The following MCTP1 variants were observed in gnomAD, a reference collection of about 807,000 sequenced individuals.
The protein encoded by MCTP1 is multiple C2 and transmembrane domain containing 1.
Under a neutral mutation model 120.6 loss-of-function variants are expected in MCTP1, and 69 were observed. The ratio of observed to expected loss-of-function variants is 0.57; its 90% CI spans 0.47 to 0.70. The LOEUF is 0.70. Ranked by LOEUF, MCTP1 falls within the 30% of genes least tolerant of loss-of-function variation. MCTP1 has a pLI of 0.00. For synonymous variants in MCTP1, 529 were observed against 493.1 expected, an observed-to-expected ratio of 1.07 and a Z score of -0.96; for missense variants, 1,203 against 1,248.8, an observed-to-expected ratio of 0.96 and a Z score of 0.55.
intron 17 of MCTP1, among the ~76,000 whole-genome samples, chr5:94,846,607 G>A (rs1253306938): frequency 6.6e-6 from 1 of 152,110 alleles, no homozygotes; most frequent in Non-Finnish European, 1.5e-5. Context: ...CCTGTGACAT[G>A]CAGTTTACCT....
chr5:95,232,648 T>C (rs1053316540), intron 1 of MCTP1, among the ~76,000 whole-genome samples: 21 of 151,898 alleles, frequency 1.4e-4, no homozygotes, highest in Non-Finnish European at 2.9e-4. Context: ...TTAGTAGAGA[T>C]GGGGTTTCAC....
intron 17 of MCTP1, among the ~76,000 whole-genome samples, chr5:94,827,888 G>A (rs1787564791): frequency 6.6e-6 from 1 of 151,714 alleles, no homozygotes; most frequent in Non-Finnish European, 1.5e-5. Flanking sequence ...AAGGTTCTTA[G>A]CCTCCTTGCA....
At chr5:94,839,702 T>C (rs1233181379) in intron 17 of MCTP1, among the ~76,000 whole-genome samples, 1 of 152,148 alleles carries the variant, frequency 6.6e-6, no homozygotes, top group Non-Finnish European at 1.5e-5. Flanking sequence ...TGGGAAGCAC[T>C]GCAAAGCAAA....
chr5:94,846,545 A>G (rs147530586), intron 17 of MCTP1, among the ~76,000 whole-genome samples: 344 of 152,280 alleles, frequency 2.3e-3, no homozygotes, highest in African/African-American at 8.0e-3. Flanking sequence ...AAAAATACCT[A>G]TCAGGTGCTA....
chr5:94,709,752 A>T (rs953531485), intron 21 of MCTP1: 27 of 151,702 alleles, frequency 1.8e-4, no homozygotes, highest in Middle Eastern at 3.2e-3. Context: ...AAAGGAAAAA[A>T]TAATTACCAT....
chr5:94,817,069 C>G (rs1056829878), intron 17 of MCTP1, among the ~76,000 whole-genome samples: 1 of 152,102 alleles, frequency 6.6e-6, no homozygotes, highest in Non-Finnish European at 1.5e-5. Context: ...AATCTCTTAT[C>G]ATCTCAAACC....
chr5:95,254,746 T>C (rs966118668), intron 1 of MCTP1, among the ~76,000 whole-genome samples: 1 of 152,220 alleles, frequency 6.6e-6, no homozygotes, highest in African/African-American at 2.4e-5. Context: ...ATAGATATAC[T>C]AGAGGCAGAA....
intron 1 of MCTP1, among the ~76,000 whole-genome samples, chr5:95,173,881 T>A: frequency 8.1e-6 from 1 of 122,938 alleles, no homozygotes; most frequent in Non-Finnish European, 1.8e-5. Flanking sequence ...AAGAAACAAA[T>A]CAGAGAACAA....
chr5:94,950,267 G>A lies in MCTP1; in HGVS notation c.981+2952C>T, dbSNP rs78926736. 3.9e-3 allele frequency among the ~76,000 whole-genome samples: 586 copies of A among 152,194 alleles called. 7 individuals carry two copies. Among genetic ancestry groups the A allele is most frequent in the African/African-American group, 0.014 (568 of 41,538 alleles). ...ATATAGAAATGTAAAAAGTGACAAT[G>A]TAAAAATGTAAGTAAAGTATAAAAA... On this transcript the variant is annotated intron_variant, in intron 3 of 22. Transcript: ENST00000515393.
At chr5:94,954,170 A>T (rs1362386703) in intron 2 of MCTP1, among the ~76,000 whole-genome samples, 1 of 90,346 alleles carries the variant, frequency 1.1e-5, no homozygotes, top group Admixed American at 1.2e-4. Flanking sequence ...ATATATATAC[A>T]TATATATATA....
chr5:95,260,818 C>T (rs1383618473), intron 1 of MCTP1, among the ~76,000 whole-genome samples: 2 of 152,114 alleles, frequency 1.3e-5, no homozygotes, highest in Non-Finnish European at 2.9e-5. Context: ...GGTAATAACC[C>T]AGAGGGTTTA....
chr5:94,771,562 T>C (rs1206097599), intron 19 of MCTP1, among the ~76,000 whole-genome samples: 1 of 152,212 alleles, frequency 6.6e-6, no homozygotes, highest in Non-Finnish European at 1.5e-5. Flanking sequence ...AACAAGCTTT[T>C]CCAAAATCAA....
chr5:94,868,378 A>T lies in MCTP1; in HGVS notation c.2391T>A (p.Ser797Arg). Residue 797 changes from serine (S) to arginine (R), a missense_variant, in exon 17 of 23, where the codon AGT becomes AGA. Coordinates refer to ENST00000515393, the MANE Select transcript of MCTP1 (RefSeq NM_024717.7). ...TTGGGGGTGAATCCCAATCAAAGCA[A>T]CTATTAACGTAGTATGCAGCATTTA... ...VLVNAAYYVN[S>R]CFDWDSPPRS... is the part of the protein sequence containing the mutation. 1.2e-6 allele frequency: 2 copies of T among 1,608,508 alleles called. No homozygotes were observed. Among genetic ancestry groups the T allele is most frequent in the Non-Finnish European group, 8.5e-7 (1 of 1,177,314 alleles).
At chr5:94,758,121 A>G (rs1194556752) in intron 19 of MCTP1, among the ~76,000 whole-genome samples, 6 of 152,166 alleles carry the variant, frequency 3.9e-5, no homozygotes, top group Non-Finnish European at 8.8e-5. Flanking sequence ...GGAAAAGAAA[A>G]CTCACTACAC....
intron 1 of MCTP1, among the ~76,000 whole-genome samples, chr5:95,065,728 T>C (rs557643824): frequency 1.5e-3 from 224 of 152,318 alleles, no homozygotes; most frequent in African/African-American, 5.1e-3. Flanking sequence ...TTCAATATTT[T>C]TCTAGAGGTT....
chr5:95,060,065 C>T (rs1310847623), intron 1 of MCTP1, among the ~76,000 whole-genome samples: 2 of 152,080 alleles, frequency 1.3e-5, no homozygotes, highest in African/African-American at 4.8e-5. Context: ...AAGTGTTTTT[C>T]GAAGGTCACA....
chr5:95,060,139 T>C (rs931973365), intron 1 of MCTP1, among the ~76,000 whole-genome samples: 1 of 151,768 alleles, frequency 6.6e-6, no homozygotes. Context: ...CTGGTCTCTT[T>C]AGTATGATAG....
chr5:94,897,083 G>A (rs1244921655), intron 10 of MCTP1, among the ~76,000 whole-genome samples: 3 of 152,046 alleles, frequency 2.0e-5, no homozygotes, highest in Admixed American at 6.6e-5. Context: ...TCGAGACCAG[G>A]TCTTACTCTG....
chr5:95,140,693 T>TAAAAAAA (rs35248317), intron 1 of MCTP1, among the ~76,000 whole-genome samples: 10 of 27,632 alleles, frequency 3.6e-4, no homozygotes, highest in Non-Finnish European at 4.3e-4. Context: ...CTGTCCCTAC[T>TAAAAAAA]AAAAAAAAAA....
Sources: allele counts gnomAD v4.1 joint callset (sites outside exome capture counted in the v4.1 genomes callset), GRCh38; gene constraint gnomAD v4.1.1; transcripts MANE v1.5; gene names NCBI Gene and HGNC (gene_info 2026-07-23, HGNC 2026-07-21).